The following COTL1 variants were observed in gnomAD, a reference collection of about 807,000 sequenced individuals.
The protein encoded by COTL1 is coactosin-like protein.
A neutral mutation model predicts 16.5 loss-of-function variants in COTL1; 15 were observed. The ratio of observed to expected loss-of-function variants is 0.91; its 90% confidence interval spans 0.61 to 1.40. The LOEUF (loss-of-function observed/expected upper bound fraction) is 1.40, where lower values mean the gene tolerates loss of function less well. Among genes scored for constraint, COTL1 ranks in the 40% most tolerant of loss-of-function variants. The pLI is 0.00. For missense variants in COTL1, 220 were observed against 201.5 expected (o/e 1.09, Z -0.56); for synonymous variants, 112 against 85.3 (o/e 1.31, Z -1.73).
In COTL1 at chr16:84,592,123, G is replaced by C. The variant is rs531140302; in HGVS notation, c.161-1861C>G. ...CATACATTGCAGATGTCCTCCAAAG[G>C]GGGCAGAACACCCCCAGTTGAGAAC... is the stretch of plus-strand genomic sequence containing the variant. On this transcript the variant is annotated intron_variant, in intron 2 of 3. Transcript: ENST00000262428. 1.6e-3 allele frequency among the ~76,000 whole-genome samples: 245 copies of C among 152,280 alleles called. 1 individual carries two copies. The highest frequency in any genetic ancestry group is 3.1e-3 in the Non-Finnish European group (214 of 68,028).
In COTL1 at chr16:84,565,855, G is replaced by A. The variant is rs541188607; in HGVS notation, c.*990C>T. The stretch of plus-strand genomic sequence containing the variant: ...GGCTTTTGGGGTGCTGTGAGCCCAG[G>A]GCTTTGCTCAGCTCACAGCTAGCGC... On this transcript the variant is annotated 3_prime_UTR_variant, in exon 4 of 4. Coordinates refer to ENST00000262428, the MANE Select transcript of COTL1 (RefSeq NM_021149.5). 1 of 152,408 alleles carries A rather than the reference G, an allele frequency of 6.6e-6. No homozygotes were observed. Among genetic ancestry groups the A allele is most frequent in the Non-Finnish European group, 1.5e-5 (1 of 68,056 alleles). The allele number at this position is 152,408 out of a possible 1,614,324, so 9.4% of individuals were successfully genotyped here. A position where few individuals can be genotyped will look rare whatever the true frequency, so the allele number is the denominator to read the frequency against.
intron 3 of COTL1, among the ~76,000 whole-genome samples, chr16:84,578,313 ACTCAAAGATGTT>A: frequency 6.6e-6 from 1 of 152,186 alleles, no homozygotes; most frequent in African/African-American, 2.4e-5. Flanking sequence ...CAACATACAT[ACTCAAAGATGTT>A]CATTGCCAGT....
At chr16:84,578,433 G>T (rs1404219959) in intron 3 of COTL1, among the ~76,000 whole-genome samples, 1 of 152,086 alleles carries the variant, frequency 6.6e-6, no homozygotes, top group Non-Finnish European at 1.5e-5. Context: ...ATTATACATG[G>T]TATCTTATTG....
intron 3 of COTL1, among the ~76,000 whole-genome samples, chr16:84,586,050 T>C (rs1904724543): frequency 6.6e-6 from 1 of 152,184 alleles, no homozygotes; most frequent in African/African-American, 2.4e-5. Flanking sequence ...ATCAGGGTCC[T>C]CTTAAGAGAT....
At chr16:84,599,775 A>C (rs1905075132) in intron 2 of COTL1, among the ~76,000 whole-genome samples, 1 of 152,176 alleles carries the variant, frequency 6.6e-6, no homozygotes. Context: ...GGGAAAAAAC[A>C]ACCCACACAC....
chr16:84,600,929 A>C (rs1905095170), intron 2 of COTL1, among the ~76,000 whole-genome samples: 2 of 152,216 alleles, frequency 1.3e-5, no homozygotes, highest in South Asian at 4.1e-4. Flanking sequence ...ATGACAAAGC[A>C]CTAGCACTTT....
chr16:84,607,076 A>T (rs917187539), intron 2 of COTL1, among the ~76,000 whole-genome samples: 3 of 152,152 alleles, frequency 2.0e-5, no homozygotes, highest in Non-Finnish European at 4.4e-5. Context: ...AAGGATGGGG[A>T]TTCCCCGCCA....
intron 3 of COTL1, among the ~76,000 whole-genome samples, chr16:84,573,342 C>T (rs892311266): frequency 6.6e-5 from 10 of 152,210 alleles, no homozygotes; most frequent in African/African-American, 2.4e-4. Flanking sequence ...CTAGACAGAA[C>T]ACGAAAGCGT....
chr16:84,591,273 T>G (rs1156976223), intron 2 of COTL1, among the ~76,000 whole-genome samples: 2 of 150,942 alleles, frequency 1.3e-5, no homozygotes, highest in Admixed American at 1.3e-4. Context: ...AAGCTTGGCC[T>G]CTAGGGTTCA....
chr16:84,570,567 T>A (rs1904322068), intron 3 of COTL1, among the ~76,000 whole-genome samples: 2 of 151,574 alleles, frequency 1.3e-5, no homozygotes, highest in Admixed American at 1.3e-4. Flanking sequence ...TTCCAAGTTA[T>A]ACAAACAAAA....
At chr16:84,571,256 G>A (rs576795247) in intron 3 of COTL1, among the ~76,000 whole-genome samples, 3 of 152,190 alleles carry the variant, frequency 2.0e-5, no homozygotes, top group African/African-American at 4.8e-5. Flanking sequence ...CCTGGGACTC[G>A]ATGCAGCCCA....
chr16:84,590,027 G>T lies in COTL1; in HGVS notation c.318+78C>A. 6.8e-7 allele frequency: 1 copy of T among 1,477,304 alleles called. No individual in the cohort carries two copies. 91.5% of individuals were successfully genotyped at this position (1,477,304 alleles called of 1,614,324 possible). On this transcript the variant is annotated intron_variant, in intron 3 of 3. Coordinates refer to ENST00000262428, the MANE Select transcript of COTL1 (RefSeq NM_021149.5). The surrounding 1 kb of genome is among the most constrained non-coding windows in gnomAD (Gnocchi z 5.5). ...CAGCTAAGCTACAGACCCAGGAGTC[G>T]AACCCAGCCCTCTCCCTCCTTGCAG...
chr16:84,580,616 C>A (rs1904566405), intron 3 of COTL1, among the ~76,000 whole-genome samples: 1 of 152,136 alleles, frequency 6.6e-6, no homozygotes. Flanking sequence ...ATAAAAGCCC[C>A]ACATTTAAAG....
At chr16:84,608,094 C>T (rs2150695933) in intron 2 of COTL1, among the ~76,000 whole-genome samples, 1 of 152,214 alleles carries the variant, frequency 6.6e-6, no homozygotes, top group Middle Eastern at 3.4e-3. Flanking sequence ...AAGAAATGAC[C>T]ACTAAATCTG....
intron 3 of COTL1, among the ~76,000 whole-genome samples, chr16:84,584,821 C>T (rs1319793516): frequency 2.0e-5 from 3 of 152,184 alleles, no homozygotes; most frequent in East Asian, 3.9e-4. Context: ...CACAACCCTA[C>T]AAGGCAGGCA....
intron 3 of COTL1, among the ~76,000 whole-genome samples, chr16:84,574,627 C>G (rs1381707578): frequency 6.6e-6 from 1 of 152,098 alleles, no homozygotes; most frequent in African/African-American, 2.4e-5. Context: ...ACTCTGTTGC[C>G]CAGGCTGGAG....
At position 84,582,057 on chromosome 16, in the gene COTL1, G is replaced by A. The variant is rs1451433785; in HGVS notation, c.318+8048C>T. On this transcript the variant is annotated intron_variant, in intron 3 of 3. Coordinates refer to ENST00000262428, the MANE Select transcript of COTL1 (RefSeq NM_021149.5). ...CTGGAGTGCAGTGGTGCAATCTCTC[G>A]GCTCACTGCAACCTCTGCCTCCTGG... Among the ~76,000 whole-genome samples, 6 of 139,212 alleles carry A rather than the reference G, an allele frequency of 4.3e-5. No homozygotes were observed. The East Asian group carries it at 1.0e-3, about 24-fold the overall frequency. The allele number at this position is 139,212 out of a possible 152,430, so 91.3% of individuals were successfully genotyped here. A position where few individuals can be genotyped will look rare whatever the true frequency, so the allele number is the denominator to read the frequency against.
chr16:84,581,011 A>T (rs1457345140), intron 3 of COTL1, among the ~76,000 whole-genome samples: 1 of 152,118 alleles, frequency 6.6e-6, no homozygotes, highest in Non-Finnish European at 1.5e-5. Context: ...GCATGGTGGC[A>T]GGTGCCTGTG....
intron 2 of COTL1, among the ~76,000 whole-genome samples, chr16:84,603,158 G>C (rs1905135484): frequency 6.6e-6 from 1 of 152,144 alleles, no homozygotes. Context: ...CTGGTTGGTG[G>C]GGGCAGACTC....
Sources: allele counts gnomAD v4.1 joint callset (sites outside exome capture counted in the v4.1 genomes callset), GRCh38; gene constraint gnomAD v4.1.1; non-coding constraint Gnocchi (gnomAD v3.1); transcripts MANE v1.5; gene names NCBI Gene and HGNC (gene_info 2026-07-23, HGNC 2026-07-21).